The following GRID2 variants were observed in gnomAD, a reference collection of about 807,000 sequenced individuals.
GRID2 encodes the protein glutamate receptor ionotropic, delta-2.
Under a neutral mutation model 114.8 loss-of-function variants are expected in GRID2, and 33 were observed. That is an observed-to-expected ratio of 0.29 (90% CI 0.22 to 0.38). The LOEUF (loss-of-function observed/expected upper bound fraction) is 0.38. Ranked by LOEUF, GRID2 falls within the 10% of genes least tolerant of loss-of-function variation. The pLI is 1.00. For synonymous variants in GRID2, 505 were observed against 449.9 expected, an observed-to-expected ratio of 1.12 and a Z score of -1.55; for missense variants, 1,184 against 1,257.7, an observed-to-expected ratio of 0.94 and a Z score of 0.89.
At chr4:92,908,291 A>C (rs1748108635) in intron 2 of GRID2, among the ~76,000 whole-genome samples, 1 of 152,308 alleles carries the variant, frequency 6.6e-6, no homozygotes, top group Non-Finnish European at 1.5e-5. Context: ...AGCATCAACT[A>C]TTTTAACAAT....
At chr4:93,738,766 G>A (rs765851629) in intron 14 of GRID2, among the ~76,000 whole-genome samples, 10 of 151,934 alleles carry the variant, frequency 6.6e-5, no homozygotes, top group Non-Finnish European at 1.2e-4. Context: ...AATCTGGACA[G>A]GTAACAGATT....
chr4:92,441,060 A>C (rs1308156222), intron 1 of GRID2, among the ~76,000 whole-genome samples: 2 of 152,072 alleles, frequency 1.3e-5, no homozygotes, highest in South Asian at 2.1e-4. Flanking sequence ...GCATGCAGAC[A>C]TGAGGGCTAG....
chr4:93,238,015 C>T (rs1179309901), intron 7 of GRID2, among the ~76,000 whole-genome samples: 2 of 151,746 alleles, frequency 1.3e-5, no homozygotes, highest in African/African-American at 4.8e-5. Flanking sequence ...ACTCCAGAAG[C>T]ATCTTGTTTT....
rs538725483 is a variant in GRID2 at position 92,781,161 on chromosome 4, G to A, written c.244+190875G>A. On this transcript the variant is annotated intron_variant, in intron 2 of 15. Transcript: ENST00000282020. ...CTTGGGAGGCTGAGGCAGAAGAATCGCTTGAACCTGGGAGGCAGAGGTTTC... is the reference window on the plus strand; with the variant it reads ...CTTGGGAGGCTGAGGCAGAAGAATCACTTGAACCTGGGAGGCAGAGGTTTC... Among the ~76,000 whole-genome samples the A allele has an allele frequency of 3.3e-5, 5 of 151,952 alleles. No individual in the cohort carries two copies. In the East Asian group the frequency reaches 5.9e-4, roughly 18 times the overall value.
intron 1 of GRID2, among the ~76,000 whole-genome samples, chr4:92,530,462 G>T (rs942015615): frequency 1.4e-5 from 2 of 142,144 alleles, no homozygotes; most frequent in African/African-American, 5.6e-5. Context: ...AGTGAGAATA[G>T]TGGAAAAAGT....
intron 10 of GRID2, among the ~76,000 whole-genome samples, chr4:93,449,888 A>C (rs1052017208): frequency 6.6e-6 from 1 of 152,076 alleles, no homozygotes; most frequent in African/African-American, 2.4e-5. Flanking sequence ...AGATTACAGT[A>C]GATGTGAAAA....
intron 1 of GRID2, among the ~76,000 whole-genome samples, chr4:92,351,177 C>T (rs984931334): frequency 1.3e-5 from 2 of 151,722 alleles, no homozygotes; most frequent in South Asian, 2.1e-4. Context: ...TTTAATTTCT[C>T]TTAGGTATAT....
intron 13 of GRID2, among the ~76,000 whole-genome samples, chr4:93,568,439 T>C (rs960987346): frequency 3.9e-5 from 6 of 152,142 alleles, no homozygotes; most frequent in Non-Finnish European, 7.3e-5. Context: ...GTTCATGGAT[T>C]CTAAAGATTC....
intron 2 of GRID2, among the ~76,000 whole-genome samples, chr4:92,946,446 T>C (rs1248338788): frequency 6.6e-6 from 1 of 152,090 alleles, no homozygotes; most frequent in African/African-American, 2.4e-5. Flanking sequence ...GAATTTCACT[T>C]TCTTCTGAAG....
intron 4 of GRID2, among the ~76,000 whole-genome samples, chr4:93,136,233 TGTGTG>T (rs1735237438): frequency 2.0e-4 from 1 of 5,040 alleles, no homozygotes; most frequent in Non-Finnish European, 3.0e-4. Flanking sequence ...CAACAGTTAT[TGTGTG>T]TGTGTGTGTG....
At chr4:92,374,134 A>G (rs1010576255) in intron 1 of GRID2, among the ~76,000 whole-genome samples, 3 of 152,096 alleles carry the variant, frequency 2.0e-5, no homozygotes, top group Non-Finnish European at 2.9e-5. Flanking sequence ...CATGATGGGA[A>G]GTGGGGGTTG....
chr4:93,598,688 C>T lies in GRID2; in HGVS notation c.2194-27581C>T, dbSNP rs1340642797. ...TTTGTATTTACAGATTTTGTATCTA[C>T]CAAAATGCATCTTCTTGAAGGAGAA... On this transcript the variant is annotated intron_variant, in intron 13 of 15. Transcript: ENST00000282020. Among the ~76,000 whole-genome samples, 3 of 152,098 alleles carry T rather than the reference C, an allele frequency of 2.0e-5. No homozygotes were observed. In the East Asian group the frequency reaches 5.8e-4, roughly 29 times the overall value.
intron 1 of GRID2, among the ~76,000 whole-genome samples, chr4:92,342,037 A>T (rs921100850): frequency 6.6e-5 from 10 of 152,174 alleles, no homozygotes; most frequent in East Asian, 3.8e-4. Flanking sequence ...TTCATTAATT[A>T]AAAAATATTT....
intron 14 of GRID2, among the ~76,000 whole-genome samples, chr4:93,629,789 A>G (rs1447088568): frequency 6.6e-6 from 1 of 152,180 alleles, no homozygotes; most frequent in Admixed American, 6.5e-5. Flanking sequence ...ATGTAAAATA[A>G]AAAATATATA....
intron 2 of GRID2, among the ~76,000 whole-genome samples, chr4:92,978,970 A>G (rs1754028932): frequency 6.6e-6 from 1 of 152,066 alleles, no homozygotes; most frequent in Admixed American, 6.6e-5. Flanking sequence ...CTGAAGACCT[A>G]TGATTGCACC....
At position 92,929,937 on chromosome 4, in the gene GRID2, T is replaced by A. The variant is rs551339099; in HGVS notation, c.245-155058T>A. ...TTTTTACTTGGGTTGTACAAAATCATAATATCTTAGGTATGTAAAACACTT... is the reference window on the plus strand; with the variant it reads ...TTTTTACTTGGGTTGTACAAAATCAAAATATCTTAGGTATGTAAAACACTT... On this transcript the variant is annotated intron_variant, in intron 2 of 15. Coordinates refer to ENST00000282020, the MANE Select transcript of GRID2 (RefSeq NM_001510.4). Among the ~76,000 whole-genome samples, 5 of 151,492 alleles carry A rather than the reference T, an allele frequency of 3.3e-5. No individual in the cohort carries two copies. The East Asian group carries it at 9.7e-4, about 29-fold the overall frequency.
At chr4:92,392,783 G>A (rs147488188) in intron 1 of GRID2, among the ~76,000 whole-genome samples, 28 of 152,056 alleles carry the variant, frequency 1.8e-4, no homozygotes, top group Non-Finnish European at 3.8e-4. Flanking sequence ...TATACTTTTT[G>A]AACATACTAA....
At chr4:93,280,042 T>C (rs1752490718) in intron 8 of GRID2, among the ~76,000 whole-genome samples, 1 of 152,050 alleles carries the variant, frequency 6.6e-6, no homozygotes, top group East Asian at 1.9e-4. Flanking sequence ...TATGAAGTTG[T>C]TGCAGAAGTA....
chr4:92,421,337 A>T (rs1450179464), intron 1 of GRID2, among the ~76,000 whole-genome samples: 2 of 152,058 alleles, frequency 1.3e-5, no homozygotes, highest in Admixed American at 6.6e-5. Flanking sequence ...GTGTTATAGG[A>T]ATTAGACCTT....
Sources: allele counts gnomAD v4.1 joint callset (sites outside exome capture counted in the v4.1 genomes callset), GRCh38; gene constraint gnomAD v4.1.1; transcripts MANE v1.5; gene names NCBI Gene and HGNC (gene_info 2026-07-23, HGNC 2026-07-21).